Variants in CSMD1 observed in about 807,000 individuals in gnomAD.
The protein encoded by CSMD1 is CUB and Sushi multiple domains 1.
Under a neutral mutation model 417.5 loss-of-function variants are expected in CSMD1, and 213 were observed. That is an observed-to-expected ratio of 0.51 (90% confidence interval 0.46 to 0.57). CSMD1 has a LOEUF of 0.57. CSMD1 is among the 20% of genes least tolerant of loss of function. The probability of loss-of-function intolerance (pLI) is 0.00; values close to 1 mark genes in which losing one functional copy is unlikely to be tolerated. For synonymous variants in CSMD1, 2,862 were observed against 1,736.8 expected, an observed-to-expected ratio of 1.65 and a Z score of -16.11; for missense variants, 6,923 against 4,529.7, an observed-to-expected ratio of 1.53 and a Z score of -15.17.
chr8:4,816,366 G>C (rs1430259808), intron 1 of CSMD1, among the ~76,000 whole-genome samples: 2 of 151,796 alleles, frequency 1.3e-5, no homozygotes, highest in African/African-American at 4.8e-5. Flanking sequence ...TGAATCTTTA[G>C]TACAAAGCGG....
chr8:3,555,704 G>A (rs1010757438), intron 10 of CSMD1, among the ~76,000 whole-genome samples: 1 of 152,094 alleles, frequency 6.6e-6, no homozygotes, highest in African/African-American at 2.4e-5. Context: ...AATAAAATAT[G>A]TGTCTATCAT....
chr8:4,296,508 G>C (rs542753493), intron 3 of CSMD1, among the ~76,000 whole-genome samples: 2 of 152,108 alleles, frequency 1.3e-5, no homozygotes, highest in East Asian at 1.9e-4. Context: ...CCCAAAGAGA[G>C]GGTTTATCTA....
intron 3 of CSMD1, among the ~76,000 whole-genome samples, chr8:4,041,141 C>T (rs539508282): frequency 5.3e-5 from 8 of 151,262 alleles, no homozygotes; most frequent in Non-Finnish European, 7.4e-5. Context: ...CTCAGCCTCC[C>T]GAGTAGCTGG....
chr8:4,208,482 A>G (rs1401955150), intron 3 of CSMD1, among the ~76,000 whole-genome samples: 9 of 152,218 alleles, frequency 5.9e-5, no homozygotes, highest in Admixed American at 1.3e-4. Flanking sequence ...GTTTCTATTC[A>G]TCTGCGTTCT....
At chr8:3,811,762 A>C (rs941290228) in intron 5 of CSMD1, among the ~76,000 whole-genome samples, 1 of 152,100 alleles carries the variant, frequency 6.6e-6, no homozygotes. Flanking sequence ...TCCATGGACA[A>C]TAGCTGAGTG....
chr8:3,752,207 G>C (rs1417279482), intron 6 of CSMD1, among the ~76,000 whole-genome samples: 2 of 152,034 alleles, frequency 1.3e-5, no homozygotes, highest in Non-Finnish European at 1.5e-5. Context: ...AGGAGGATCG[G>C]CCTGGCCTGG....
intron 3 of CSMD1, among the ~76,000 whole-genome samples, chr8:4,067,428 G>A (rs185309893): frequency 6.6e-6 from 1 of 152,156 alleles, no homozygotes; most frequent in Admixed American, 6.5e-5. Flanking sequence ...ATTTCCCAGA[G>A]AATTTATTAT....
intron 2 of CSMD1, among the ~76,000 whole-genome samples, chr8:4,474,761 G>C (rs2130079783): frequency 6.6e-6 from 1 of 152,200 alleles, no homozygotes; most frequent in South Asian, 2.1e-4. Flanking sequence ...CACACCTCCT[G>C]TTTCTCCTCC....
chr8:3,418,017 G>A (rs1385482228), intron 12 of CSMD1, among the ~76,000 whole-genome samples: 3 of 152,144 alleles, frequency 2.0e-5, no homozygotes, highest in East Asian at 1.9e-4. Flanking sequence ...CTGTTACAGT[G>A]GCCTGTGCTT....
At position 3,754,524 on chromosome 8, in the gene CSMD1, G is replaced by A. The variant is rs568925427; in HGVS notation, c.819-482C>T. Among the ~76,000 whole-genome samples the A allele has an allele frequency of 9.9e-5, 15 of 151,934 alleles. No individual in the cohort carries two copies. The South Asian group carries it at 1.9e-3, about 19-fold the overall frequency. Reference sequence around the variant, plus strand: ...GGCTGGAGGGCAGTGGTGCGATCTCGGCTCACTGCAAGCTCCGCCTCCTGG... The same window carrying A: ...GGCTGGAGGGCAGTGGTGCGATCTCAGCTCACTGCAAGCTCCGCCTCCTGG... On this transcript the variant is annotated intron_variant, in intron 5 of 69. Coordinates refer to ENST00000635120, the MANE Select transcript of CSMD1 (RefSeq NM_033225.6).
chr8:4,104,389 C>A (rs1801458582), intron 3 of CSMD1, among the ~76,000 whole-genome samples: 1 of 152,150 alleles, frequency 6.6e-6, no homozygotes, highest in Non-Finnish European at 1.5e-5. Flanking sequence ...CAGTACTACA[C>A]ACACACGTGT....
chr8:3,535,514 T>C (rs766470027), intron 10 of CSMD1, among the ~76,000 whole-genome samples: 1 of 151,942 alleles, frequency 6.6e-6, no homozygotes, highest in Non-Finnish European at 1.5e-5. Flanking sequence ...GGACATAGAG[T>C]GTGACCTGTA....
chr8:4,694,753 A>T (rs948673356), intron 1 of CSMD1, among the ~76,000 whole-genome samples: 5 of 152,086 alleles, frequency 3.3e-5, no homozygotes, highest in African/African-American at 1.2e-4. Context: ...GGCACATGTC[A>T]TCAGGACTTC....
chr8:3,521,344 G>C (rs1029797684), intron 10 of CSMD1, among the ~76,000 whole-genome samples: 1 of 151,920 alleles, frequency 6.6e-6, no homozygotes. Context: ...CTGTTTCTTT[G>C]CTGTTGGCCC....
At chr8:4,191,577 A>C (rs537230057) in intron 3 of CSMD1, among the ~76,000 whole-genome samples, 1 of 152,250 alleles carries the variant, frequency 6.6e-6, no homozygotes, top group East Asian at 1.9e-4. Flanking sequence ...TTCATCCATG[A>C]ATCACTGTTC....
chr8:4,311,569 A>G (rs916591274), intron 3 of CSMD1, among the ~76,000 whole-genome samples: 3 of 152,028 alleles, frequency 2.0e-5, no homozygotes, highest in Non-Finnish European at 4.4e-5. Flanking sequence ...CTAAAAATAT[A>G]AAACTGAGCC....
intron 3 of CSMD1, among the ~76,000 whole-genome samples, chr8:4,386,977 G>T (rs552366797): frequency 6.6e-6 from 1 of 152,192 alleles, no homozygotes; most frequent in Non-Finnish European, 1.5e-5. Context: ...ATTATCTATT[G>T]TATGAATGAA....
At chr8:4,355,338 C>T (rs573927285) in intron 3 of CSMD1, among the ~76,000 whole-genome samples, 6 of 151,130 alleles carry the variant, frequency 4.0e-5, no homozygotes, top group Admixed American at 2.0e-4. Flanking sequence ...CACACACACA[C>T]GTATATATGA....
At chr8:3,987,248 G>C (rs1454094061) in intron 5 of CSMD1, among the ~76,000 whole-genome samples, 1 of 152,186 alleles carries the variant, frequency 6.6e-6, no homozygotes, top group Non-Finnish European at 1.5e-5. Context: ...TGCTTCCCAT[G>C]CTCAAAGGCT....
Sources: allele counts gnomAD v4.1 joint callset (sites outside exome capture counted in the v4.1 genomes callset), GRCh38; gene constraint gnomAD v4.1.1; transcripts MANE v1.5; gene names NCBI Gene and HGNC (gene_info 2026-07-23, HGNC 2026-07-21).